KEL: variants seen among roughly 807,000 people sequenced by gnomAD.
KEL encodes the protein Kell metallo-endopeptidase (Kell blood group).
In KEL, 96 loss-of-function variants were observed where a neutral mutation model predicts 99.5. The ratio of observed to expected loss-of-function variants is 0.97; its 90% CI spans 0.82 to 1.14. The LOEUF is 1.14. Ranked by LOEUF, KEL falls within the 50% of genes most tolerant of loss-of-function variation. The pLI, the probability that KEL is intolerant of heterozygous loss-of-function variation, is 0.00. For missense variants in KEL, 926 were observed against 924.2 expected (o/e 1.00, Z -0.03); for synonymous variants, 355 against 354.8 (o/e 1.00, Z -0.01).
At chr7:142,959,223 A>G (rs8175968) in intron 4 of KEL, among the ~76,000 whole-genome samples, 4,969 of 152,234 alleles carry the variant, frequency 0.033, 269 homozygotes, top group African/African-American at 0.11. Flanking sequence ...CAACTGGTAT[A>G]GAGGCAAAGA....
intron 4 of KEL, among the ~76,000 whole-genome samples, chr7:142,958,709 A>C (rs1273139365): frequency 6.6e-6 from 1 of 152,250 alleles, no homozygotes; most frequent in Non-Finnish European, 1.5e-5. Context: ...TTGCATCTGT[A>C]AAGCATCTCT....
At chr7:142,956,438 C>CT (rs75808381) in intron 6 of KEL, among the ~76,000 whole-genome samples, 2,144 of 146,954 alleles carry the variant, frequency 0.015, 40 homozygotes, top group African/African-American at 0.047. Context: ...CTCAGTAGCT[C>CT]TTTTTTTTTT....
intron 10 of KEL, among the ~76,000 whole-genome samples, chr7:142,951,329 C>A (rs1189215199): frequency 6.6e-6 from 1 of 152,130 alleles, no homozygotes; most frequent in Non-Finnish European, 1.5e-5. Context: ...TTGTAGCAAC[C>A]CCAATTAAGA....
chr7:142,957,745 C>T (rs1305976589), intron 6 of KEL, 82 bp downstream of exon 6: 1 of 1,567,102 alleles, frequency 6.4e-7, no homozygotes, highest in African/African-American at 1.4e-5. Context: ...TCTTCCCAAC[C>T]TGCAACCTTC....
At position 142,954,660 on chromosome 7, in the gene KEL, A is replaced by G. The variant is rs8175991; in HGVS notation, c.673-133T>C. 6.9e-3 allele frequency: 5,636 copies of G among 821,598 alleles called. 200 individuals carry two copies. In the African/African-American group the frequency reaches 0.079, roughly 12 times the overall value. The allele number at this position is 821,598 out of a possible 1,614,324, so 50.9% of individuals were successfully genotyped here. ...AAAGATTGGACAGAAGAGAAGCAAG[A>G]GTACAAAGAAAGGGAGGGATTAAGG... On this transcript the variant is annotated intron_variant, in intron 6 of 18. Transcript: ENST00000355265.
At chr7:142,946,141 A>G in intron 11 of KEL, 66 bp downstream of exon 11, 1 of 1,149,048 alleles carries the variant, frequency 8.7e-7, no homozygotes, top group Admixed American at 1.9e-5. Flanking sequence ...AAGTTAATAG[A>G]AGAGGGAAGG....
rs780031411 is a variant in KEL at position 142,960,947 on chromosome 7, G to T, written c.381C>A (p.Asn127Lys). 6.2e-7 allele frequency: 1 copy of T among 1,614,092 alleles called. No individual in the cohort carries two copies. Among genetic ancestry groups the T allele is most frequent in the African/African-American group, 1.3e-5 (1 of 74,922 alleles). ...CCTCACCCAGTATTCTCCGAAGTCG[G>T]TTTTTGTTCTTTGTGGCAAGCTCCT... is the stretch of plus-strand genomic sequence containing the variant. ...SFQELATKNK[N>K]RLRRILEVQN... The change falls in exon 4 of 19, where the codon AAC becomes AAA. Residue 127 changes from asparagine (N) to lysine (K), a missense_variant. Physicochemically the swap from Asn to Lys is moderately conservative, Grantham distance 94 (BLOSUM62 0). Coordinates refer to ENST00000355265, the MANE Select transcript of KEL (RefSeq NM_000420.3).
chr7:142,949,086 C>T (rs1796608043), intron 10 of KEL, among the ~76,000 whole-genome samples: 1 of 152,186 alleles, frequency 6.6e-6, no homozygotes, highest in East Asian at 1.9e-4. Context: ...AGAGTATTAG[C>T]ACTTACTAAG....
At chr7:142,956,121 A>T (rs2116675784) in intron 6 of KEL, among the ~76,000 whole-genome samples, 1 of 152,270 alleles carries the variant, frequency 6.6e-6, no homozygotes, top group East Asian at 1.9e-4. Flanking sequence ...CACACTGATG[A>T]TAATCACCCT....
intron 18 of KEL, 157 bp downstream of exon 18, chr7:142,942,277 G>A: frequency 1.5e-6 from 1 of 653,218 alleles, no homozygotes; most frequent in Admixed American, 2.1e-5. Flanking sequence ...GATTCCAAGG[G>A]GTAGGGAGGG....
At chr7:142,957,264 G>C (rs1392431506) in intron 6 of KEL, among the ~76,000 whole-genome samples, 1 of 152,196 alleles carries the variant, frequency 6.6e-6, no homozygotes, top group African/African-American at 2.4e-5. Context: ...CATAGGCAAA[G>C]AACTGAGGAA....
intron 3 of KEL, 62 bp from the exon 4 acceptor site, chr7:142,961,166 G>T: frequency 6.3e-7 from 1 of 1,585,046 alleles, no homozygotes; most frequent in Non-Finnish European, 8.6e-7. Flanking sequence ...CCCCCAAGGG[G>T]CTAGGCAAAG....
chr7:142,951,255 C>A (rs1384303667), intron 10 of KEL, among the ~76,000 whole-genome samples: 2 of 152,210 alleles, frequency 1.3e-5, no homozygotes, highest in African/African-American at 4.8e-5. Context: ...ACTCTTACAG[C>A]CTCCAAGAAG....
intron 11 of KEL, 36 bp from the exon 12 acceptor site, chr7:142,944,777 T>C (rs1796476806): frequency 1.3e-6 from 2 of 1,525,314 alleles, no homozygotes; most frequent in African/African-American, 1.4e-5. Context: ...GGGGACAGGA[T>C]CAGGAGAGGC....
chr7:142,944,782 A>G, intron 11 of KEL, 41 bp from the exon 12 acceptor site: 1 of 1,497,552 alleles, frequency 6.7e-7, no homozygotes, highest in South Asian at 1.1e-5. Flanking sequence ...CAGGATCAGG[A>G]GAGGCCTCAG....
At chr7:142,943,908 T>A (rs1194129003) in intron 13 of KEL, 25 bp from the exon 14 acceptor site, 1 of 1,593,152 alleles carries the variant, frequency 6.3e-7, no homozygotes, top group Admixed American at 1.7e-5. Context: ...GGAGGTGACT[T>A]GGGCACACAG....
chr7:142,943,189 AT>A, intron 16 of KEL, 86 bp downstream of exon 16: 2 of 1,560,098 alleles, frequency 1.3e-6, no homozygotes, highest in Non-Finnish European at 1.8e-6. Context: ...AAACCCTCAA[AT>A]AACCTCCCTT....
chr7:142,957,794 G>T (rs750225984), intron 6 of KEL, 33 bp downstream of exon 6: 2 of 1,613,054 alleles, frequency 1.2e-6, no homozygotes, highest in African/African-American at 1.3e-5. Context: ...GGCAGGCCAG[G>T]TCCAACTGTG....
At chr7:142,955,003 T>C (rs971427666) in intron 6 of KEL, among the ~76,000 whole-genome samples, 1 of 152,202 alleles carries the variant, frequency 6.6e-6, no homozygotes, top group Non-Finnish European at 1.5e-5. Flanking sequence ...GATCAGACCA[T>C]GCCCATTAAA....
Sources: gnomAD v4.1 joint callset for allele counts (sites outside exome capture counted in the v4.1 genomes callset) on GRCh38, gnomAD v4.1.1 for gene constraint, MANE v1.5 for transcripts, NCBI Gene and HGNC (gene_info 2026-07-23, HGNC 2026-07-21) for gene names.